The following LYPD6 variants were observed in gnomAD, a reference collection of about 807,000 sequenced individuals.
LYPD6 encodes the protein LY6/PLAUR domain containing 6, also known as ly6/PLAUR domain-containing protein 6.
A neutral mutation model predicts 22.7 loss-of-function variants in LYPD6; 15 were observed. The ratio of observed to expected loss-of-function variants is 0.66; its 90% CI spans 0.44 to 1.02. The LOEUF is 1.02. Among genes scored for constraint, LYPD6 ranks in the 50% least tolerant of loss-of-function variants. The pLI is 0.00. For missense variants in LYPD6, 189 were observed against 208.4 expected (o/e 0.91, Z 0.57); for synonymous variants, 72 against 77.5 (o/e 0.93, Z 0.37).
At chr2:149,351,809 C>A (rs978847963) in intron 1 of LYPD6, among the ~76,000 whole-genome samples, 25 of 151,828 alleles carry the variant, frequency 1.6e-4, no homozygotes, top group African/African-American at 5.8e-4. Context: ...CCAGGATTCT[C>A]CAGAAGGATG....
intron 2 of LYPD6, among the ~76,000 whole-genome samples, chr2:149,447,430 G>C (rs1683713169): frequency 6.6e-6 from 1 of 152,188 alleles, no homozygotes; most frequent in South Asian, 2.1e-4. Context: ...GAATGGCCTA[G>C]TCCTCAGGCT....
the LYPD6 span, among the ~76,000 whole-genome samples, chr2:149,479,484 G>A: frequency 1.8e-3 from 278 of 152,210 alleles, 8 homozygotes; most frequent in South Asian, 0.055. Context: ...AAGCACCTCC[G>A]TTGTAAGAGT....
chr2:149,443,311 G>A (rs1031027278), intron 2 of LYPD6, among the ~76,000 whole-genome samples: 10 of 152,160 alleles, frequency 6.6e-5, no homozygotes, highest in African/African-American at 2.4e-4. Flanking sequence ...AAAGTTTCCA[G>A]GAATAACTAA....
At chr2:149,407,569 G>T (rs78205794) in intron 1 of LYPD6, among the ~76,000 whole-genome samples, 1 of 152,114 alleles carries the variant, frequency 6.6e-6, no homozygotes, top group Non-Finnish European at 1.5e-5. Flanking sequence ...CTGGAGCCTT[G>T]GCTTTCGGCT....
chr2:149,358,046 A>G, intron 1 of LYPD6, among the ~76,000 whole-genome samples: 1 of 152,188 alleles, frequency 6.6e-6, no homozygotes, highest in East Asian at 1.9e-4. Flanking sequence ...TCGGCCTCCC[A>G]GAGTGCTGGG....
chr2:149,398,845 A>G (rs1403211964), intron 1 of LYPD6, among the ~76,000 whole-genome samples: 1 of 152,200 alleles, frequency 6.6e-6, no homozygotes, highest in Non-Finnish European at 1.5e-5. Flanking sequence ...AAAAAGGTAT[A>G]AAATAATTCC....
intron 3 of LYPD6, among the ~76,000 whole-genome samples, chr2:149,459,461 AACTT>A (rs1681037637): frequency 6.6e-6 from 1 of 152,220 alleles, no homozygotes; most frequent in Admixed American, 6.5e-5. Context: ...AGGAAGAAAA[AACTT>A]AGTAAACGTA....
intron 1 of LYPD6, among the ~76,000 whole-genome samples, chr2:149,410,198 A>C (rs1573783800): frequency 6.6e-6 from 1 of 152,152 alleles, no homozygotes; most frequent in South Asian, 2.1e-4. Flanking sequence ...GAGTACTTCT[A>C]ATTTTTATAA....
At position 149,396,867 on chromosome 2, in the gene LYPD6, G is replaced by A. The variant is rs184526869; in HGVS notation, c.-71-40771G>A. ...GTTGCTACATTGTCCTTCAGTAGCT[G>A]TGGGACACTGGTTCCAGGACACCCT... On this transcript the variant is annotated intron_variant, in intron 1 of 4. Coordinates refer to ENST00000334166, the MANE Select transcript of LYPD6 (RefSeq NM_194317.5). Among the ~76,000 whole-genome samples the A allele has an allele frequency of 2.4e-3, 359 of 152,244 alleles. 1 individual carries two copies. Among genetic ancestry groups the A allele is most frequent in the African/African-American group, 8.3e-3 (346 of 41,542 alleles).
chr2:149,407,104 T>C (rs1284987923), intron 1 of LYPD6, among the ~76,000 whole-genome samples: 3 of 152,218 alleles, frequency 2.0e-5, no homozygotes, highest in African/African-American at 7.2e-5. Context: ...AGAGATCCAC[T>C]GTTAGTCTGA....
chr2:149,352,513 C>G (rs1681376777), intron 1 of LYPD6, among the ~76,000 whole-genome samples: 1 of 152,114 alleles, frequency 6.6e-6, no homozygotes, highest in South Asian at 2.1e-4. Flanking sequence ...AGGTTATCCC[C>G]CTTCATCGGA....
intron 1 of LYPD6, among the ~76,000 whole-genome samples, chr2:149,384,785 T>C (rs1032450691): frequency 6.6e-6 from 1 of 152,072 alleles, no homozygotes; most frequent in African/African-American, 2.4e-5. Flanking sequence ...GTGTGCAGGT[T>C]AGTTACATAT....
At chr2:149,413,407 TAGAG>T (rs765029686) in intron 1 of LYPD6, among the ~76,000 whole-genome samples, 34 of 151,730 alleles carry the variant, frequency 2.2e-4, no homozygotes, top group East Asian at 1.2e-3. Flanking sequence ...AATGACGAGA[TAGAG>T]AGAGAGAGAG....
chr2:149,398,511 C>T (rs1252064229), intron 1 of LYPD6, among the ~76,000 whole-genome samples: 1 of 151,746 alleles, frequency 6.6e-6, no homozygotes, highest in Non-Finnish European at 1.5e-5. Flanking sequence ...GTGTTCCCAG[C>T]AGATTTTCAG....
Position 149,451,462 on chromosome 2 carries a change from AC to A in LYPD6, c.217+2317del, listed in dbSNP as rs553003259. The stretch of plus-strand genomic sequence containing the variant: ...CTGGTACTGACTGAGCTTTGAGGTA[AC>A]CTTAGTGGAGATAATGCAGAGGAAA... On this transcript the variant is annotated intron_variant, in intron 3 of 4. Coordinates refer to ENST00000334166, the MANE Select transcript of LYPD6 (RefSeq NM_194317.5). Among the ~76,000 whole-genome samples, 275 of 152,292 alleles carry A rather than the reference AC, an allele frequency of 1.8e-3. 1 individual carries two copies. The highest frequency in any genetic ancestry group is 6.4e-3 in the African/African-American group (266 of 41,558).
At chr2:149,336,665 G>T (rs540779217) in intron 1 of LYPD6, among the ~76,000 whole-genome samples, 1 of 152,166 alleles carries the variant, frequency 6.6e-6, no homozygotes, top group African/African-American at 2.4e-5. Flanking sequence ...CTCTCTCTAA[G>T]TAATATGGGA....
At chr2:149,411,162 G>A (rs1231660946) in intron 1 of LYPD6, among the ~76,000 whole-genome samples, 1 of 152,164 alleles carries the variant, frequency 6.6e-6, no homozygotes, top group Non-Finnish European at 1.5e-5. Flanking sequence ...ACTCAAATGG[G>A]AGTGGGGTCC....
intron 1 of LYPD6, among the ~76,000 whole-genome samples, chr2:149,391,802 A>G (rs949567230): frequency 2.6e-5 from 4 of 152,180 alleles, no homozygotes; most frequent in Admixed American, 6.5e-5. Context: ...TTAGAAGGAA[A>G]TGTGGCTATG....
chr2:149,405,821 A>T (rs1188177596), intron 1 of LYPD6, among the ~76,000 whole-genome samples: 1 of 146,108 alleles, frequency 6.8e-6, no homozygotes, highest in Non-Finnish European at 1.5e-5. Context: ...TTTAATTGTG[A>T]TGTTAGGGTG....
Sources: allele counts gnomAD v4.1 joint callset (sites outside exome capture counted in the v4.1 genomes callset), GRCh38; gene constraint gnomAD v4.1.1; transcripts MANE v1.5; gene names NCBI Gene and HGNC (gene_info 2026-07-23, HGNC 2026-07-21).